Variants in PCDH9 observed in about 807,000 individuals in gnomAD.
PCDH9 encodes the protein protocadherin 9, also known as protocadherin-9.
PCDH9 carries 24 observed loss-of-function variants against 70.6 expected under a neutral mutation model. The ratio of observed to expected loss-of-function variants is 0.34; its 90% CI spans 0.25 to 0.48. The LOEUF (loss-of-function observed/expected upper bound fraction) is 0.48, where lower values mean the gene tolerates loss of function less well. PCDH9 is among the 20% of genes least tolerant of loss of function. The probability of loss-of-function intolerance (pLI) is 0.99; values close to 1 mark genes in which losing one functional copy is unlikely to be tolerated. For synonymous variants in PCDH9, 562 were observed against 558.5 expected, an observed-to-expected ratio of 1.01 and a Z score of -0.09; for missense variants, 1,281 against 1,503.6, an observed-to-expected ratio of 0.85 and a Z score of 2.45.
intron 4 of PCDH9, among the ~76,000 whole-genome samples, chr13:66,458,659 CA>C (rs969097113): frequency 1.3e-5 from 2 of 152,040 alleles, no homozygotes; most frequent in Non-Finnish European, 2.9e-5. Context: ...TAAAATAGCA[CA>C]TTGATTCTAT....
intron 4 of PCDH9, among the ~76,000 whole-genome samples, chr13:66,306,598 T>C (rs1955470607): frequency 4.0e-5 from 6 of 151,518 alleles, no homozygotes; most frequent in Non-Finnish European, 2.9e-5. Flanking sequence ...TGAAATGCAC[T>C]ATTTCATATA....
At chr13:66,480,417 T>C (rs1197664898) in intron 4 of PCDH9, among the ~76,000 whole-genome samples, 1 of 152,230 alleles carries the variant, frequency 6.6e-6, no homozygotes. Flanking sequence ...ACATAAACTA[T>C]GTTGAAATAA....
chr13:67,085,918 C>T (rs1177148966), intron 2 of PCDH9, among the ~76,000 whole-genome samples: 2 of 152,078 alleles, frequency 1.3e-5, no homozygotes, highest in Non-Finnish European at 2.9e-5. Flanking sequence ...TTTCAGAATC[C>T]GTCAAGTGAA....
chr13:66,658,591 A>G (rs1447345921), intron 3 of PCDH9, among the ~76,000 whole-genome samples: 1 of 152,208 alleles, frequency 6.6e-6, no homozygotes, highest in African/African-American at 2.4e-5. Context: ...TTTTACAAAC[A>G]CAATTTAAAC....
chr13:66,744,242 C>A (rs1376027610), intron 3 of PCDH9, among the ~76,000 whole-genome samples: 1 of 152,060 alleles, frequency 6.6e-6, no homozygotes, highest in African/African-American at 2.4e-5. Flanking sequence ...TCACATATCC[C>A]TGGAGAAAGA....
rs139593797 is a variant in PCDH9 at position 66,682,839 on chromosome 13, C to T, written c.3139-51428G>A. On this transcript the variant is annotated intron_variant, in intron 3 of 4. Coordinates refer to ENST00000377865, the MANE Select transcript of PCDH9 (RefSeq NM_203487.3). Reference sequence around the variant, plus strand: ...TGAAAGCTATTGGTGGCATTAGGATCCATTCAGTTTCCGCAGGCAGCTTGA... The same window carrying T: ...TGAAAGCTATTGGTGGCATTAGGATTCATTCAGTTTCCGCAGGCAGCTTGA... Among the ~76,000 whole-genome samples the T allele has an allele frequency of 5.2e-4, 79 of 152,196 alleles. 1 individual carries two copies. In the East Asian group the frequency reaches 0.014, roughly 26 times the overall value.
At chr13:67,045,469 CT>C (rs1043214008) in intron 2 of PCDH9, among the ~76,000 whole-genome samples, 49 of 151,938 alleles carry the variant, frequency 3.2e-4, no homozygotes, top group African/African-American at 1.2e-3. Context: ...ACAACTTTGT[CT>C]CTCTCTCCAC....
At chr13:66,687,354 T>G (rs1280118826) in intron 3 of PCDH9, among the ~76,000 whole-genome samples, 2 of 152,172 alleles carry the variant, frequency 1.3e-5, no homozygotes, top group East Asian at 3.8e-4. Flanking sequence ...TTACTTTTTC[T>G]ATTTTATTTG....
chr13:66,314,703 T>G (rs1411250686), intron 4 of PCDH9, among the ~76,000 whole-genome samples: 1 of 152,198 alleles, frequency 6.6e-6, no homozygotes, highest in Non-Finnish European at 1.5e-5. Flanking sequence ...TTACCGTTCT[T>G]GTATATGGCA....
chr13:66,786,471 C>T (rs1328454180), intron 3 of PCDH9, among the ~76,000 whole-genome samples: 2 of 152,294 alleles, frequency 1.3e-5, no homozygotes, highest in African/African-American at 4.8e-5. Flanking sequence ...TTGAATGAAA[C>T]TGATGCTGGA....
chr13:67,073,893 C>G (rs2085818590), intron 2 of PCDH9, among the ~76,000 whole-genome samples: 1 of 151,586 alleles, frequency 6.6e-6, no homozygotes, highest in African/African-American at 2.4e-5. Context: ...ACGTCTACCT[C>G]TTAAATTGCT....
At chr13:67,110,722 T>C (rs538997251) in intron 2 of PCDH9, among the ~76,000 whole-genome samples, 10 of 152,292 alleles carry the variant, frequency 6.6e-5, no homozygotes, top group African/African-American at 2.4e-4. Context: ...AGAAGTTCCT[T>C]GAATCTAGAT....
chr13:66,503,663 T>A (rs1959188899), intron 4 of PCDH9, among the ~76,000 whole-genome samples: 1 of 152,188 alleles, frequency 6.6e-6, no homozygotes, highest in Non-Finnish European at 1.5e-5. Context: ...AGAATATGTA[T>A]CCCACCTCAG....
intron 2 of PCDH9, among the ~76,000 whole-genome samples, chr13:67,111,638 C>A (rs952717641): frequency 6.6e-6 from 1 of 152,040 alleles, no homozygotes; most frequent in African/African-American, 2.4e-5. Context: ...TTTTTTGCCA[C>A]TCATACTTCT....
chr13:67,089,913 C>T (rs1447580510), intron 2 of PCDH9, among the ~76,000 whole-genome samples: 2 of 151,956 alleles, frequency 1.3e-5, no homozygotes, highest in African/African-American at 4.8e-5. Context: ...ATGATTCACA[C>T]TTGCTATGTA....
At chr13:67,170,109 T>C (rs2088238106) in intron 2 of PCDH9, among the ~76,000 whole-genome samples, 1 of 152,220 alleles carries the variant, frequency 6.6e-6, no homozygotes, top group South Asian at 2.1e-4. Context: ...AACAGCTTTA[T>C]ATTATTCACA....
At chr13:66,812,936 A>G (rs1022434726) in intron 3 of PCDH9, among the ~76,000 whole-genome samples, 2 of 152,100 alleles carry the variant, frequency 1.3e-5, no homozygotes, top group Admixed American at 6.6e-5. Flanking sequence ...ATGGCTAATC[A>G]TTTTCAGGCT....
chr13:66,775,913 C>A (rs1408549926), intron 3 of PCDH9, among the ~76,000 whole-genome samples: 3 of 152,028 alleles, frequency 2.0e-5, no homozygotes, highest in African/African-American at 7.2e-5. Context: ...CCAAGCCTTT[C>A]CCGAACTCCC....
chr13:66,426,314 C>G (rs930500711), intron 4 of PCDH9, among the ~76,000 whole-genome samples: 3 of 151,514 alleles, frequency 2.0e-5, no homozygotes, highest in African/African-American at 7.3e-5. Context: ...TTCTAATTAT[C>G]CTTTTTCAAC....
Sources: allele counts gnomAD v4.1 joint callset (sites outside exome capture counted in the v4.1 genomes callset), GRCh38; gene constraint gnomAD v4.1.1; transcripts MANE v1.5; gene names NCBI Gene and HGNC (gene_info 2026-07-23, HGNC 2026-07-21).